The following SAG variants were observed in gnomAD, a reference collection of about 807,000 sequenced individuals.
SAG encodes S-antigen visual arrestin.
Under a neutral mutation model 55.0 loss-of-function variants are expected in SAG, and 45 were observed. The observed-to-expected ratio is 0.82, with a 90% CI of 0.64 to 1.05. The LOEUF is 1.05. SAG is among the 50% of genes least tolerant of loss of function. The pLI, the probability that SAG is intolerant of heterozygous loss-of-function variation, is 0.00. For synonymous variants in SAG, 189 were observed against 197.4 expected, an observed-to-expected ratio of 0.96 and a Z score of 0.36; for missense variants, 455 against 512.1, an observed-to-expected ratio of 0.89 and a Z score of 1.08.
chr2:233,334,253 C>G (rs1276887542), intron 10 of SAG: 1 of 152,266 alleles, frequency 6.6e-6, no homozygotes, highest in South Asian at 2.1e-4. Flanking sequence ...GTGGAGGAGC[C>G]AACTCTCCAG....
chr2:233,338,743 A>T lies in SAG; in HGVS notation c.1012A>T (p.Thr338Ser). The T allele has an allele frequency of 6.2e-7, 1 of 1,611,682 alleles. No homozygotes were observed. Among genetic ancestry groups the T allele is most frequent in the African/African-American group, 1.3e-5 (1 of 74,996 alleles). ...LVSYQIKVKLTVSGFLGELTS... is the reference protein window; with the variant it reads ...LVSYQIKVKLSVSGFLGELTS... ...GTCTTACCAGATCAAGGTGAAGCTCACAGTGTCAGGGTAAGTGTCCCGGCA... is the reference window on the plus strand; with the variant it reads ...GTCTTACCAGATCAAGGTGAAGCTCTCAGTGTCAGGGTAAGTGTCCCGGCA... Residue 338 changes from threonine to serine, a missense_variant, in exon 12 of 16, where the codon ACA (threonine) becomes TCA (serine). Transcript: ENST00000409110.
intron 15 of SAG, 77 bp from the exon 16 acceptor site, chr2:233,346,730 A>C: frequency 9.7e-7 from 1 of 1,031,424 alleles, no homozygotes; most frequent in Non-Finnish European, 1.5e-6. Flanking sequence ...CCTTCGTTGC[A>C]AAAAGATCAA....
intron 3 of SAG, among the ~76,000 whole-genome samples, chr2:233,316,903 A>G (rs770217100): frequency 3.9e-5 from 6 of 151,972 alleles, no homozygotes; most frequent in Non-Finnish European, 8.8e-5. Context: ...GTTTTTTGCC[A>G]TTACTTTCAA....
At chr2:233,343,566 C>T (rs1026354719) in intron 14 of SAG, 4 of 643,716 alleles carry the variant, frequency 6.2e-6, no homozygotes, top group African/African-American at 3.9e-5. Flanking sequence ...ACTAGACTGT[C>T]GACTGTGAAA....
intron 12 of SAG, 79 bp downstream of exon 12, chr2:233,338,832 G>T: frequency 8.3e-7 from 1 of 1,208,276 alleles, no homozygotes; most frequent in South Asian, 1.2e-5. Flanking sequence ...CTGAATGACT[G>T]GGAGACAGAA....
intron 1 of SAG, 183 bp from the exon 2 acceptor site, chr2:233,308,979 T>C: frequency 2.0e-6 from 1 of 496,340 alleles, no homozygotes. Context: ...CAAAGCATGC[T>C]GCAGTAAAAT....
At chr2:233,337,131 G>T (rs1700960286) in intron 11 of SAG, among the ~76,000 whole-genome samples, 1 of 152,008 alleles carries the variant, frequency 6.6e-6, no homozygotes, top group Non-Finnish European at 1.5e-5. Context: ...CAAAGAGGGG[G>T]ATCTCAAGCT....
At position 233,329,558 on chromosome 2, in the gene SAG, G is replaced by A. The variant is rs1475770313; in HGVS notation, c.714G>A (p.Val238=). 3.4e-5 allele frequency: 55 copies of A among 1,611,742 alleles called. No homozygotes were observed. Among genetic ancestry groups the A allele is most frequent in the Non-Finnish European group, 4.7e-5 (55 of 1,177,994 alleles). The change falls in exon 9 of 16, where the codon GTG becomes GTA. Residue 238 remains valine, a synonymous_variant. Transcript: ENST00000409110. ...VTVTNNTEKT[V]KKIKAFVEQV... is the part of the protein sequence containing the mutation. ...TCACCAATAACACAGAGAAGACCGT[G>A]AAGAAGATTAAAGCATTCGGTAGGA...
At chr2:233,339,537 G>GTTTTT (rs10711990) in intron 12 of SAG, among the ~76,000 whole-genome samples, 2 of 129,330 alleles carry the variant, frequency 1.5e-5, no homozygotes, top group Admixed American at 7.8e-5. Flanking sequence ...TTAGCATAGT[G>GTTTTT]TTTTTTTTTT....
rs201334562 is a variant in SAG, at chr2:233,309,284, G to A, written c.75+20G>A. 6.3e-7 allele frequency: 1 copy of A among 1,594,954 alleles called. No individual in the cohort carries two copies. The highest frequency in any genetic ancestry group is 1.7e-5 in the Admixed American group (1 of 59,832). ...AAATCGGTGAGTGGTGCACAAGTGA[G>A]TGATTTGATAGAAATTATTGTTTAA... is the stretch of plus-strand genomic sequence containing the variant. On this transcript the variant is annotated intron_variant, in intron 2 of 15. Coordinates refer to ENST00000409110, the MANE Select transcript of SAG (RefSeq NM_000541.5).
intron 5 of SAG, among the ~76,000 whole-genome samples, chr2:233,321,634 G>A (rs1174993323): frequency 1.3e-5 from 2 of 152,108 alleles, no homozygotes; most frequent in Non-Finnish European, 2.9e-5. Flanking sequence ...GGGTTTAATG[G>A]GAACAGAGCT....
chr2:233,342,234 A>G, intron 13 of SAG, 37 bp from the exon 14 acceptor site: 1 of 1,514,404 alleles, frequency 6.6e-7, no homozygotes, highest in Non-Finnish European at 9.1e-7. Context: ...AATTGTGTGT[A>G]TGGGTGTTCA....
chr2:233,308,441 T>C (rs1368830904), intron 1 of SAG, among the ~76,000 whole-genome samples: 2 of 151,604 alleles, frequency 1.3e-5, no homozygotes, highest in Non-Finnish European at 2.9e-5. Flanking sequence ...CCCTCCAGCC[T>C]GGGCAACAGA....
intron 12 of SAG, among the ~76,000 whole-genome samples, chr2:233,339,980 G>A (rs984047809): frequency 1.0e-4 from 14 of 139,490 alleles, no homozygotes; most frequent in Middle Eastern, 5.9e-3. Flanking sequence ...TTTTTGAGAC[G>A]GAGTCTTATT....
Position 233,331,638 on chromosome 2 carries a change from A to G in SAG, c.734-2A>G, listed in dbSNP as rs1700765848. The G allele has an allele frequency of 3.1e-6, 5 of 1,611,324 alleles. No homozygotes were observed. The highest frequency in any genetic ancestry group is 1.3e-5 in the African/African-American group (1 of 74,840). On this transcript the variant is annotated splice_acceptor_variant, in intron 9 of 15. Transcript: ENST00000409110. LOFTEE classifies it high-confidence loss of function. ...CACCGGACTCCCGTCTTCCCCTTGC[A>G]GTGGAACAGGTGGCCAATGTGGTTC...
Position 233,331,721 on chromosome 2 carries a change from C to T in SAG, c.806+9C>T. The stretch of plus-strand genomic sequence containing the variant: ...GCTATGGAGGAAGCGCAGTGAGTAG[C>T]TGTTGGGGTTTCCGTTTCCTGGGCG... On this transcript the variant is annotated intron_variant, in intron 10 of 15. Coordinates refer to ENST00000409110, the MANE Select transcript of SAG (RefSeq NM_000541.5). 1.2e-6 allele frequency: 2 copies of T among 1,607,248 alleles called. No homozygotes were observed. The highest frequency in any genetic ancestry group is 1.7e-6 in the Non-Finnish European group (2 of 1,174,164).
Position 233,335,093 on chromosome 2 carries a change from G to A in SAG, c.938G>A (p.Ser313Asn), listed in dbSNP as rs775466897. 1 of 1,611,616 alleles carries A rather than the reference G, an allele frequency of 6.2e-7. No homozygotes were observed. The highest frequency in any genetic ancestry group is 1.1e-5 in the South Asian group (1 of 91,030). ...CACGAGGACACAAACCTTGCCTCCA[G>A]CACCATGTGAGTCCTCGAGGCTCAG... ...IKHEDTNLAS[S>N]TIIKEGIDRT... Residue 313 changes from serine (S) to asparagine (N), a missense_variant, in exon 11 of 16, where the codon AGC becomes AAC. Ser to Asn is a conservative substitution (Grantham distance 46). Transcript: ENST00000409110.
Position 233,340,454 on chromosome 2 carries a change from G to C in SAG, c.1023-1G>C, listed in dbSNP as rs749297005. The C allele has an allele frequency of 6.2e-7, 1 of 1,611,046 alleles. No homozygotes were observed. The highest frequency in any genetic ancestry group is 1.1e-5 in the South Asian group (1 of 90,414). On this transcript the variant is annotated splice_acceptor_variant, in intron 12 of 15. Coordinates refer to ENST00000409110, the MANE Select transcript of SAG (RefSeq NM_000541.5). LOFTEE classifies it high-confidence loss of function. This position sits in a 1 kb window ranked among gnomAD's most constrained non-coding sequence, Gnocchi z 4.2. ...GACAGGCGTTTGTTTGTGTTTTCTA[G>C]CTTTCTGGGAGAGCTCACCTCCAGG...
chr2:233,342,560 G>C, intron 14 of SAG: 1 of 552,426 alleles, frequency 1.8e-6, no homozygotes. Context: ...TAGCATCCTT[G>C]CTCTTGGACA....
Sources: allele counts gnomAD v4.1 joint callset (sites outside exome capture counted in the v4.1 genomes callset), GRCh38; gene constraint gnomAD v4.1.1; non-coding constraint Gnocchi (gnomAD v3.1); transcripts MANE v1.5; gene names NCBI Gene and HGNC (gene_info 2026-07-23, HGNC 2026-07-21).